SLC7A2: variants seen among roughly 807,000 people sequenced by gnomAD.
SLC7A2 encodes cationic amino acid transporter 2.
SLC7A2 carries 48 observed loss-of-function variants against 58.9 expected under a neutral mutation model. The ratio of observed to expected loss-of-function variants is 0.82; its 90% CI spans 0.65 to 1.04. The LOEUF (loss-of-function observed/expected upper bound fraction) is 1.04, where lower values mean the gene tolerates loss of function less well. Ranked by LOEUF, SLC7A2 falls within the 50% of genes least tolerant of loss-of-function variation. The pLI, the probability that SLC7A2 is intolerant of heterozygous loss-of-function variation, is 0.00. For synonymous variants in SLC7A2, 363 were observed against 314.5 expected (o/e 1.15, Z -1.63); for missense variants, 1,029 against 818.8 (o/e 1.26, Z -3.13).
chr8:17,524,797 G>A (rs1801158810), intron 2 of SLC7A2, among the ~76,000 whole-genome samples: 2 of 151,468 alleles, frequency 1.3e-5, no homozygotes, highest in South Asian at 4.2e-4. Context: ...ATCTAATCCT[G>A]ATTTTTTTTT....
At chr8:17,550,801 T>C (rs1802412998) in intron 6 of SLC7A2, among the ~76,000 whole-genome samples, 1 of 152,184 alleles carries the variant, frequency 6.6e-6, no homozygotes, top group South Asian at 2.1e-4. Context: ...GATGATCATG[T>C]TCTTAAATGG....
intron 2 of SLC7A2, among the ~76,000 whole-genome samples, chr8:17,513,931 T>G (rs1240985334): frequency 6.6e-6 from 1 of 152,234 alleles, no homozygotes; most frequent in East Asian, 1.9e-4. Context: ...AGCAATCAAG[T>G]TCTATTTATT....
intron 2 of SLC7A2, among the ~76,000 whole-genome samples, chr8:17,524,419 TGTACACACACACACAC>T (rs1214139666): frequency 4.3e-5 from 6 of 139,360 alleles, no homozygotes; most frequent in Non-Finnish European, 9.2e-5. Flanking sequence ...TGTGTGTGTG[TGTACACACACACACAC>T]ACACACACAC....
In SLC7A2 at chr8:17,543,490, G is replaced by C; in HGVS notation, c.151G>C (p.Gly51Arg). Residue 51 changes from glycine (G) to arginine (R), a missense_variant, in exon 3 of 13, where the codon GGG becomes CGG. Physicochemically the swap from Gly to Arg is moderately radical, Grantham distance 125. Transcript: ENST00000494857. The part of the protein sequence containing the change: ...ALGVGSTLGA[G>R]VYVLAGEVAK... ...GGGCGTTGGAAGCACCCTTGGGGCC[G>C]GGGTTTATGTCCTCGCTGGGGAGGT... is the stretch of plus-strand genomic sequence containing the variant. 3.1e-6 allele frequency: 5 copies of C among 1,614,062 alleles called. No homozygotes were observed. The highest frequency in any genetic ancestry group is 4.2e-6 in the Non-Finnish European group (5 of 1,180,012).
At chr8:17,535,297 C>T (rs897475133) in intron 2 of SLC7A2, among the ~76,000 whole-genome samples, 6 of 152,166 alleles carry the variant, frequency 3.9e-5, no homozygotes, top group African/African-American at 1.2e-4. Context: ...CCACCGCCCC[C>T]TCCCGCCCTC....
At chr8:17,512,630 C>T (rs1800652129) in intron 2 of SLC7A2, among the ~76,000 whole-genome samples, 1 of 151,786 alleles carries the variant, frequency 6.6e-6, no homozygotes, top group Non-Finnish European at 1.5e-5. Context: ...GGTTTTTTTC[C>T]CCCTATATTT....
intron 2 of SLC7A2, among the ~76,000 whole-genome samples, chr8:17,522,566 A>G (rs953029024): frequency 2.0e-5 from 3 of 152,136 alleles, no homozygotes; most frequent in Non-Finnish European, 2.9e-5. Flanking sequence ...AGACAATGTA[A>G]CAGGGGATGC....
chr8:17,531,885 T>A (rs1414319165), intron 2 of SLC7A2, among the ~76,000 whole-genome samples: 1 of 151,992 alleles, frequency 6.6e-6, no homozygotes, highest in Non-Finnish European at 1.5e-5. Context: ...TTAAATAAAT[T>A]GTCAAAATTT....
rs550710022 is a variant in SLC7A2 at position 17,529,065 on chromosome 8, A to G, written c.-22-14253A>G. On this transcript the variant is annotated intron_variant, in intron 2 of 12. Transcript: ENST00000494857. ...GTTAAGATTTCTAAAATGTATTTAC[A>G]TGTACTTTATAATAAAAAAGCATTA... Among the ~76,000 whole-genome samples, 15 of 152,348 alleles carry G rather than the reference A, an allele frequency of 9.8e-5. No homozygotes were observed. In the South Asian group the frequency reaches 3.1e-3, roughly 32 times the overall value.
At chr8:17,555,004 T>C in intron 8 of SLC7A2, 1 of 1,614,062 alleles carries the variant, frequency 6.2e-7, no homozygotes, top group Non-Finnish European at 8.5e-7. Context: ...CCGGGATGGC[T>C]TACTGTTTAG....
chr8:17,530,719 C>G (rs1207395756), intron 2 of SLC7A2, among the ~76,000 whole-genome samples: 1 of 151,888 alleles, frequency 6.6e-6, no homozygotes. Context: ...ACTACAGGGA[C>G]GTGCCACCAT....
intron 5 of SLC7A2, among the ~76,000 whole-genome samples, chr8:17,549,412 T>A (rs1345201815): frequency 2.0e-5 from 3 of 152,236 alleles, no homozygotes; most frequent in Non-Finnish European, 4.4e-5. Context: ...AGCAACTGTG[T>A]GAACCCATGC....
Position 17,543,616 on chromosome 8 carries a change from G to C in SLC7A2, c.277G>C (p.Val93Leu), listed in dbSNP as rs769744752. The change falls in exon 3 of 13, where the codon GTT becomes CTT. Residue 93 changes from valine to leucine, a missense_variant. Transcript: ENST00000494857. ...CTGCTATGCCGAATTTGGGGCCCGT[G>C]TTCCCAAGACGGGGTCTGCATATTT... ...GLCYAEFGAR[V>L]PKTGSAYLYT... is the part of the protein sequence containing the mutation. 1 of 1,600,356 alleles carries C rather than the reference G, an allele frequency of 6.2e-7. No homozygotes were observed. Among genetic ancestry groups the C allele is most frequent in the East Asian group, 2.2e-5 (1 of 44,790 alleles).
chr8:17,508,087 C>CTT (rs146662018), intron 2 of SLC7A2, among the ~76,000 whole-genome samples: 34 of 149,852 alleles, frequency 2.3e-4, no homozygotes, highest in Middle Eastern at 6.9e-3. Flanking sequence ...ATTGTGCTCT[C>CTT]TTTTTTTTTA....
rs181666792 is a variant in SLC7A2 at position 17,550,687 on chromosome 8, G to A, written c.832+253G>A. Among the ~76,000 whole-genome samples, 43 of 152,284 alleles carry A rather than the reference G, an allele frequency of 2.8e-4. 1 individual carries two copies. The highest frequency in any genetic ancestry group is 1.9e-3 in the East Asian group (10 of 5,184). ...TAGTAGGAAGATTACCTAAAATAAT[G>A]CATATGAAAAATACTTTGCCAGCTG... On this transcript the variant is annotated intron_variant, in intron 6 of 12. Coordinates refer to ENST00000494857, the MANE Select transcript of SLC7A2 (RefSeq NM_001370338.1).
intron 2 of SLC7A2, among the ~76,000 whole-genome samples, chr8:17,518,078 G>A (rs965353617): frequency 4.6e-5 from 7 of 152,080 alleles, no homozygotes; most frequent in East Asian, 3.9e-4. Flanking sequence ...GCAATGAATC[G>A]TCTCTATTAT....
intron 2 of SLC7A2, among the ~76,000 whole-genome samples, chr8:17,506,229 G>C (rs575855388): frequency 4.3e-4 from 66 of 152,320 alleles, no homozygotes; most frequent in African/African-American, 1.5e-3. Flanking sequence ...TAGTACTAGA[G>C]CTGTGAAAAC....
intron 7 of SLC7A2, among the ~76,000 whole-genome samples, chr8:17,553,862 A>G (rs1197679324): frequency 6.6e-6 from 1 of 152,212 alleles, no homozygotes; most frequent in East Asian, 1.9e-4. Flanking sequence ...CAACTAAGTA[A>G]TGTGTGAAAT....
chr8:17,537,415 G>A (rs1038079098), intron 2 of SLC7A2, among the ~76,000 whole-genome samples: 16 of 152,130 alleles, frequency 1.1e-4, no homozygotes, highest in Non-Finnish European at 1.2e-4. Flanking sequence ...GGTCCCCAGT[G>A]TGTGTGACTT....
Sources: allele counts gnomAD v4.1 joint callset (sites outside exome capture counted in the v4.1 genomes callset), GRCh38; gene constraint gnomAD v4.1.1; transcripts MANE v1.5; gene names NCBI Gene and HGNC (gene_info 2026-07-23, HGNC 2026-07-21).